Variants in CDC45 observed in about 807,000 individuals in gnomAD.
CDC45 encodes cell division cycle 45, also known as cell division control protein 45 homolog.
CDC45 carries 54 observed loss-of-function variants against 77.8 expected under a neutral mutation model. The observed-to-expected ratio is 0.69, with a 90% confidence interval of 0.56 to 0.87. CDC45 has a LOEUF of 0.87. Ranked by LOEUF, CDC45 falls within the 40% of genes least tolerant of loss-of-function variation. The pLI is 0.00. For missense variants in CDC45, 649 were observed against 721.6 expected, an observed-to-expected ratio of 0.90 and a Z score of 1.15; for synonymous variants, 260 against 272.1, an observed-to-expected ratio of 0.96 and a Z score of 0.44.
chr22:19,516,146 C>T (rs1933775429), intron 15 of CDC45, among the ~76,000 whole-genome samples: 1 of 152,062 alleles, frequency 6.6e-6, no homozygotes, highest in South Asian at 2.1e-4. Flanking sequence ...GGGCTGGGGC[C>T]TCCTGGAGAA....
At chr22:19,494,071 A>G (rs1270461841) in intron 5 of CDC45, among the ~76,000 whole-genome samples, 2 of 152,274 alleles carry the variant, frequency 1.3e-5, no homozygotes, top group East Asian at 3.9e-4. Context: ...TTTTGCCTGG[A>G]GCAGGTGCTT....
Position 19,479,952 on chromosome 22 carries a change from G to C in CDC45, c.-17G>C. On this transcript the variant is annotated 5_prime_UTR_variant, in exon 1 of 19. Coordinates refer to ENST00000263201, the MANE Select transcript of CDC45 (RefSeq NM_003504.5). The stretch of plus-strand genomic sequence containing the variant: ...TGGTACCTCAGCGCGAGCGCCAGGC[G>C]TCCGGCCGCCGTGGCTATGTTCGTG... 1 of 1,612,638 alleles carries C rather than the reference G, an allele frequency of 6.2e-7. No individual in the cohort carries two copies. Among genetic ancestry groups the C allele is most frequent in the Non-Finnish European group, 8.5e-7 (1 of 1,180,008 alleles).
At position 19,480,229 on chromosome 22, in the gene CDC45, G is replaced by C; in HGVS notation, c.111+12G>C. 1.9e-6 allele frequency: 3 copies of C among 1,612,988 alleles called. No homozygotes were observed. The highest frequency in any genetic ancestry group is 2.5e-6 in the Non-Finnish European group (3 of 1,179,458). Reference sequence around the variant, plus strand: ...GCAAGATCCTTCAGGTGAGTTCTGCGGACCCTAGGAGGGCGGGGCCGGCGC... The same window carrying C: ...GCAAGATCCTTCAGGTGAGTTCTGCCGACCCTAGGAGGGCGGGGCCGGCGC... On this transcript the variant is annotated intron_variant, in intron 2 of 18. Coordinates refer to ENST00000263201, the MANE Select transcript of CDC45 (RefSeq NM_003504.5).
At chr22:19,519,624 AT>A (rs13447294) in intron 18 of CDC45, among the ~76,000 whole-genome samples, 6,073 of 152,342 alleles carry the variant, frequency 0.04, 195 homozygotes, top group East Asian at 0.12. Flanking sequence ...GCTGTGGCAG[AT>A]GGGCCCTGCC....
intron 18 of CDC45, among the ~76,000 whole-genome samples, 166 bp downstream of exon 18, chr22:19,519,075 A>G (rs555290652): frequency 2.0e-5 from 3 of 152,302 alleles, no homozygotes; most frequent in African/African-American, 4.8e-5. Flanking sequence ...ATCTGTCCTT[A>G]GGCTGCCAGC....
rs192795745 is a variant in CDC45, at chr22:19,487,113, G to A, written c.486+3108G>A. On this transcript the variant is annotated intron_variant, in intron 5 of 18. Transcript: ENST00000263201. The stretch of plus-strand genomic sequence containing the variant: ...GTTTGAGACCAGCCTGACCAACATG[G>A]AGAAACCCTGTCTCTACTAAATACA... Among the ~76,000 whole-genome samples the A allele has an allele frequency of 1.7e-3, 256 of 152,054 alleles. 4 individuals carry two copies. The East Asian group carries it at 0.037, about 22-fold the overall frequency.
chr22:19,490,661 G>A (rs910029614), intron 5 of CDC45, among the ~76,000 whole-genome samples: 14 of 151,514 alleles, frequency 9.2e-5, no homozygotes, highest in African/African-American at 3.4e-4. Context: ...CAGCCACTGC[G>A]TCCAGCCTGT....
chr22:19,516,503 G>A (rs760540811), intron 15 of CDC45, 24 bp from the exon 16 acceptor site: 22 of 1,589,942 alleles, frequency 1.4e-5, no homozygotes, highest in South Asian at 1.1e-4. Context: ...ATACCCTGAC[G>A]GAGGGTGCTC....
chr22:19,484,118 G>C (rs1460102581), intron 5 of CDC45, 113 bp downstream of exon 5: 1 of 1,027,912 alleles, frequency 9.7e-7, no homozygotes, highest in Non-Finnish European at 1.4e-6. Context: ...AAGTGGAAAA[G>C]TTAGCAGGCA....
intron 5 of CDC45, among the ~76,000 whole-genome samples, chr22:19,488,108 A>T (rs2090101174): frequency 6.6e-6 from 1 of 152,146 alleles, no homozygotes; most frequent in Middle Eastern, 3.2e-3. Context: ...ACGGGTTTCA[A>T]ATTTTGTATC....
chr22:19,515,083 G>A, intron 15 of CDC45, 35 bp downstream of exon 15: 1 of 1,554,576 alleles, frequency 6.4e-7, no homozygotes, highest in Non-Finnish European at 8.7e-7. Context: ...GGTACAGGAG[G>A]GCAGGTGCTT....
At chr22:19,500,001 G>A (rs976342288) in intron 9 of CDC45, among the ~76,000 whole-genome samples, 1 of 152,242 alleles carries the variant, frequency 6.6e-6, no homozygotes, top group Admixed American at 6.5e-5. Context: ...AGGCCCACAA[G>A]GCAGGAGAAG....
At position 19,516,058 on chromosome 22, in the gene CDC45, C is replaced by CG. The variant is rs1223525848; in HGVS notation, c.1441-462dup. Among the ~76,000 whole-genome samples the CG allele has an allele frequency of 4.0e-5, 6 of 151,610 alleles. No homozygotes were observed. In the East Asian group the frequency reaches 5.8e-4, roughly 15 times the overall value. ...CCTTTATCCTGAAGGAGCGTGCCGG[C>CG]GGGGGGGACGAGGAGTGGCAGCTGC... On this transcript the variant is annotated intron_variant, in intron 15 of 18. Transcript: ENST00000263201.
chr22:19,507,924 T>G, intron 12 of CDC45, 60 bp downstream of exon 12: 1 of 1,172,160 alleles, frequency 8.5e-7, no homozygotes, highest in Non-Finnish European at 1.2e-6. Context: ...AAGTGAAGGG[T>G]TCTACTTTAA....
At chr22:19,480,812 C>A in intron 2 of CDC45, 141 bp from the exon 3 acceptor site, 1 of 582,672 alleles carries the variant, frequency 1.7e-6, no homozygotes, top group Non-Finnish European at 3.1e-6. Context: ...TAGCACCTAG[C>A]TTTTCCCGTA....
chr22:19,495,963 C>A lies in CDC45; in HGVS notation c.543-18C>A. 6.3e-7 allele frequency: 1 copy of A among 1,599,854 alleles called. No individual in the cohort carries two copies. The highest frequency in any genetic ancestry group is 8.6e-7 in the Non-Finnish European group (1 of 1,167,414). On this transcript the variant is annotated intron_variant, in intron 6 of 18. Transcript: ENST00000263201. ...ACTGCTACTTCCTGTTGAAGACCTG[C>A]ATTTTATGTCATTACAGAAGAGACA...
chr22:19,503,989 T>G (rs904041843), intron 9 of CDC45, among the ~76,000 whole-genome samples: 1 of 152,254 alleles, frequency 6.6e-6, no homozygotes, highest in Non-Finnish European at 1.5e-5. Context: ...GCAGCCCATA[T>G]AGTTCAATGG....
chr22:19,514,600 G>A (rs1933678424), intron 13 of CDC45, 149 bp from the exon 14 acceptor site: 5 of 646,394 alleles, frequency 7.7e-6, no homozygotes, highest in Non-Finnish European at 1.3e-5. Flanking sequence ...TTCCTTTCAT[G>A]TGAAAGACAA....
At chr22:19,485,865 C>A (rs930752431) in intron 5 of CDC45, among the ~76,000 whole-genome samples, 1 of 151,912 alleles carries the variant, frequency 6.6e-6, no homozygotes, top group Non-Finnish European at 1.5e-5. Context: ...TTGATGAAGC[C>A]CAGGAATTTG....
Sources: allele counts gnomAD v4.1 joint callset (sites outside exome capture counted in the v4.1 genomes callset), GRCh38; gene constraint gnomAD v4.1.1; transcripts MANE v1.5; gene names NCBI Gene and HGNC (gene_info 2026-07-23, HGNC 2026-07-21).